The following ZNF469 variants were observed in gnomAD, a reference collection of about 807,000 sequenced individuals.
ZNF469 encodes zinc finger protein 469.
In ZNF469, 1 loss-of-function variant was observed where a neutral mutation model predicts 1.0. The ratio of observed to expected loss-of-function variants is 1.00; its 90% CI spans 0.35 to 4.73. The LOEUF is 4.73. ZNF469 is among the 30% of genes most tolerant of loss of function. The pLI, the probability that ZNF469 is intolerant of heterozygous loss-of-function variation, is 0.16. For missense variants in ZNF469, 6,100 were observed against 5,356.3 expected, an observed-to-expected ratio of 1.14 and a Z score of -4.33; for synonymous variants, 2,703 against 2,363.4, an observed-to-expected ratio of 1.14 and a Z score of -4.17.
chr16:88,214,204 AC>A, the ZNF469 span, among the ~76,000 whole-genome samples: 22 of 152,066 alleles, frequency 1.4e-4, no homozygotes, highest in Non-Finnish European at 2.9e-4. Context: ...AGGATAGGAT[AC>A]CCCCCGAAGG....
the ZNF469 span, among the ~76,000 whole-genome samples, chr16:88,308,631 G>C: frequency 1.6e-4 from 25 of 152,164 alleles, no homozygotes; most frequent in African/African-American, 6.0e-4. Flanking sequence ...TGCATTCCTG[G>C]TGCCTGGAGC....
At chr16:88,211,780 C>T in the ZNF469 span, among the ~76,000 whole-genome samples, 13 of 152,018 alleles carry the variant, frequency 8.6e-5, no homozygotes, top group African/African-American at 2.2e-4. Context: ...TTGTTCAAGC[C>T]GGTATGCTTG....
At chr16:88,137,424 ATGTG>A in the ZNF469 span, among the ~76,000 whole-genome samples, 1 of 152,122 alleles carries the variant, frequency 6.6e-6, no homozygotes, top group Non-Finnish European at 1.5e-5. Flanking sequence ...TGACAGCTAT[ATGTG>A]CATGCAACCG....
chr16:88,239,672 T>C, the ZNF469 span, among the ~76,000 whole-genome samples: 1 of 4,004 alleles, frequency 2.5e-4, no homozygotes, highest in African/African-American at 1.5e-3. Context: ...TTTTTGTATA[T>C]ATATATATAT....
chr16:88,395,527 T>C (rs1904635309), intron 1 of ZNF469, among the ~76,000 whole-genome samples: 1 of 152,152 alleles, frequency 6.6e-6, no homozygotes, highest in Non-Finnish European at 1.5e-5. Flanking sequence ...ACTGATATGT[T>C]CTTGGTTTGG....
the ZNF469 span, among the ~76,000 whole-genome samples, chr16:88,297,209 G>A: frequency 6.6e-6 from 1 of 152,312 alleles, no homozygotes; most frequent in African/African-American, 2.4e-5. Flanking sequence ...ATGGGAGATT[G>A]GGACGGGGCA....
At chr16:88,183,678 C>A in the ZNF469 span, among the ~76,000 whole-genome samples, 4 of 152,170 alleles carry the variant, frequency 2.6e-5, no homozygotes, top group African/African-American at 9.7e-5. Context: ...GGCAGAAGTG[C>A]CCCACTCTGG....
the ZNF469 span, among the ~76,000 whole-genome samples, chr16:88,162,993 G>A: frequency 6.6e-6 from 1 of 152,072 alleles, no homozygotes; most frequent in African/African-American, 2.4e-5. Flanking sequence ...GGATGGGTGG[G>A]TGGATGAATG....
chr16:88,387,473 C>A (rs1225959293), intron 1 of ZNF469, among the ~76,000 whole-genome samples: 2 of 152,206 alleles, frequency 1.3e-5, no homozygotes, highest in African/African-American at 2.4e-5. Context: ...TGGCTGCTTG[C>A]GGTTGCTGGT....
chr16:88,369,707 G>A, the ZNF469 span, among the ~76,000 whole-genome samples: 28 of 152,326 alleles, frequency 1.8e-4, no homozygotes, highest in African/African-American at 6.7e-4. Context: ...TTTCTCAGAT[G>A]ACAGAGCAGG....
the ZNF469 span, among the ~76,000 whole-genome samples, chr16:88,292,016 T>C: frequency 1.3e-5 from 2 of 152,212 alleles, no homozygotes; most frequent in South Asian, 4.1e-4. Flanking sequence ...TAGGACAGTT[T>C]TGGGGACCGA....
chr16:88,275,952 C>T, the ZNF469 span, among the ~76,000 whole-genome samples: 4 of 152,276 alleles, frequency 2.6e-5, no homozygotes, highest in South Asian at 8.3e-4. Flanking sequence ...CGGGAACAGG[C>T]CCATAAAGTG....
chr16:88,283,468 G>T, the ZNF469 span, among the ~76,000 whole-genome samples: 31 of 152,338 alleles, frequency 2.0e-4, no homozygotes, highest in African/African-American at 6.5e-4. Flanking sequence ...GTAATAGCAG[G>T]AAGAGTAAAA....
the ZNF469 span, among the ~76,000 whole-genome samples, chr16:88,273,951 C>G: frequency 6.6e-6 from 1 of 152,322 alleles, no homozygotes. Flanking sequence ...CTACAGGCAC[C>G]TGCCACCATG....
chr16:88,405,297 C>T (rs1175642398), intron 1 of ZNF469, among the ~76,000 whole-genome samples: 5 of 152,134 alleles, frequency 3.3e-5, no homozygotes, highest in Non-Finnish European at 5.9e-5. Flanking sequence ...AGCCCCTGGG[C>T]TACCGCTGTG....
At chr16:88,314,506 A>C in the ZNF469 span, among the ~76,000 whole-genome samples, 3 of 113,984 alleles carry the variant, frequency 2.6e-5, no homozygotes, top group East Asian at 2.7e-4. Flanking sequence ...TCTGTAATTA[A>C]GATGATGCTG....
the ZNF469 span, among the ~76,000 whole-genome samples, chr16:88,239,705 ATATATATATATT>A: frequency 1.7e-4 from 1 of 5,856 alleles, no homozygotes; most frequent in Non-Finnish European, 2.5e-4. Flanking sequence ...ATATATATAT[ATATATATATATT>A]TTTTTTTTTT....
chr16:88,194,676 A>C, the ZNF469 span: 1 of 152,192 alleles, frequency 6.6e-6, no homozygotes, highest in African/African-American at 2.4e-5. Context: ...TGATCAGGGT[A>C]GATTTATTTT....
chr16:88,276,147 G>C, the ZNF469 span, among the ~76,000 whole-genome samples: 8 of 152,302 alleles, frequency 5.3e-5, no homozygotes, highest in South Asian at 1.2e-3. Context: ...CCATCCTGGG[G>C]GTGGGGGATG....
Sources: gnomAD v4.1 joint callset for allele counts (sites outside exome capture counted in the v4.1 genomes callset) on GRCh38, gnomAD v4.1.1 for gene constraint, MANE v1.5 for transcripts, NCBI Gene and HGNC (gene_info 2026-07-23, HGNC 2026-07-21) for gene names.